ZNF536: variants seen among roughly 807,000 people sequenced by gnomAD.
The protein encoded by ZNF536 is zinc finger protein 536.
Under a neutral mutation model 84.5 loss-of-function variants are expected in ZNF536, and 13 were observed. The ratio of observed to expected loss-of-function variants is 0.15; its 90% CI spans 0.10 to 0.24. The LOEUF is 0.24. Ranked by LOEUF, ZNF536 falls within the 10% of genes least tolerant of loss-of-function variation. ZNF536 has a pLI of 1.00. For missense variants in ZNF536, 1,536 were observed against 1,747.5 expected (o/e 0.88, Z 2.16); for synonymous variants, 811 against 742.5 (o/e 1.09, Z -1.50).
intron 1 of ZNF536, among the ~76,000 whole-genome samples, chr19:30,601,880 C>T (rs558932900): frequency 1.3e-5 from 2 of 152,286 alleles, no homozygotes; most frequent in East Asian, 1.9e-4. Context: ...GACCCTGAGA[C>T]ACTCAGAAAC....
At chr19:30,588,423 A>C (rs1401805307) in intron 1 of ZNF536, among the ~76,000 whole-genome samples, 2 of 152,094 alleles carry the variant, frequency 1.3e-5, no homozygotes, top group Non-Finnish European at 2.9e-5. Flanking sequence ...TGAGGAGGAG[A>C]TTGGCAGACT....
At chr19:30,383,188 G>A (rs1022863590) in intron 1 of ZNF536, among the ~76,000 whole-genome samples, 1 of 152,186 alleles carries the variant, frequency 6.6e-6, no homozygotes, top group Non-Finnish European at 1.5e-5. Context: ...TACTCGGGAG[G>A]CTGAGGCAGG....
chr19:30,560,725 T>C (rs1260406853), downstream of ZNF536, among the ~76,000 whole-genome samples: 1 of 152,218 alleles, frequency 6.6e-6, no homozygotes, highest in Non-Finnish European at 1.5e-5. Flanking sequence ...CGGAAGTGTG[T>C]TTGCTTTGAT....
Position 30,685,317 on chromosome 19 carries a change from C to T in ZNF536, c.170-25440C>T, listed in dbSNP as rs143329507. 1.8e-3 allele frequency among the ~76,000 whole-genome samples: 273 copies of T among 152,294 alleles called. 1 individual carries two copies. Among genetic ancestry groups the T allele is most frequent in the African/African-American group, 6.3e-3 (262 of 41,560 alleles). On this transcript the variant is annotated intron_variant, in intron 1 of 1. Transcript: ENST00000592773. ...TTAGAACAAGTCCTCGAGGTAGCCC[C>T]ATCTGAGCTGATGGAGAGACTCTTT...
In ZNF536 at chr19:30,548,504, A is replaced by G. The variant is rs2045643595; in HGVS notation, c.2885A>G (p.Lys962Arg). The stretch of plus-strand genomic sequence containing the variant: ...GGTGGTGAGGAGAAACCCAGTGGCA[A>G]GTCCTCCCAGAGGAAGTCCGAGAAA... ...VDGGEEKPSG[K>R]SSQRKSEKSQ... The change falls in exon 4 of 5, where the codon AAG (lysine) becomes AGG (arginine). Residue 962 changes from lysine (K) to arginine (R), a missense_variant. Around this residue, in one of 8 missense-constraint regions of ZNF536, gnomAD observed 624 missense variants for 603.1 expected, o/e 1.03. Coordinates refer to ENST00000355537, the MANE Select transcript of ZNF536 (RefSeq NM_014717.3). 1 of 1,614,144 alleles carries G rather than the reference A, an allele frequency of 6.2e-7. No homozygotes were observed. The highest frequency in any genetic ancestry group is 1.3e-5 in the African/African-American group (1 of 75,058).
chr19:30,403,401 A>G (rs888776385), intron 1 of ZNF536, among the ~76,000 whole-genome samples: 3 of 152,242 alleles, frequency 2.0e-5, no homozygotes, highest in African/African-American at 4.8e-5. Context: ...CAAAGGTCAA[A>G]GGCTGCGCAA....
At chr19:30,556,959 C>T (rs935340777) in intron 4 of ZNF536, 198 bp from the exon 5 acceptor site, 11 of 573,258 alleles carry the variant, frequency 1.9e-5, no homozygotes, top group South Asian at 4.4e-5. Context: ...AGCACCTCTA[C>T]GTCTAATTGC....
At chr19:30,279,412 C>T (rs533224740) in intron 1 of ZNF536, among the ~76,000 whole-genome samples, 15 of 152,242 alleles carry the variant, frequency 9.9e-5, no homozygotes, top group Admixed American at 2.6e-4. Flanking sequence ...GAGCTTTCCA[C>T]ACCAGGACCC....
chr19:30,581,446 C>T (rs915551438), intron 1 of ZNF536, among the ~76,000 whole-genome samples: 4 of 152,036 alleles, frequency 2.6e-5, no homozygotes, highest in Admixed American at 1.3e-4. Context: ...CACTGCATTC[C>T]AGCCTAGGCA....
rs1311747323 is a variant in ZNF536, at chr19:30,340,515, A to G, written c.-119-11853A>G. The stretch of plus-strand genomic sequence containing the variant: ...ACTTGACTTTTTATATATATCTCAG[A>G]GGCAAACATTCCTAGTGAAGGGTTG... On this transcript the variant is annotated intron_variant, in intron 2 of 5. Coordinates refer to the ZNF536 transcript ENST00000585628. Among the ~76,000 whole-genome samples the G allele has an allele frequency of 3.3e-5, 5 of 152,286 alleles. No homozygotes were observed. In the South Asian group the frequency reaches 6.2e-4, roughly 19 times the overall value.
At chr19:30,597,182 C>T (rs954821195) in intron 1 of ZNF536, among the ~76,000 whole-genome samples, 17 of 152,210 alleles carry the variant, frequency 1.1e-4, no homozygotes, top group African/African-American at 3.1e-4. Context: ...TCAGGTTCCC[C>T]CAACTTCTGT....
At chr19:30,569,954 GT>G (rs1403710017) in intron 1 of ZNF536, among the ~76,000 whole-genome samples, 1 of 152,172 alleles carries the variant, frequency 6.6e-6, no homozygotes, top group Non-Finnish European at 1.5e-5. Flanking sequence ...TAGGGGCAAT[GT>G]TCTCCCCTGG....
rs759934475 is a variant in ZNF536 at position 30,548,708 on chromosome 19, G to C, written c.3089G>C (p.Arg1030Pro). 6.2e-7 allele frequency: 1 copy of C among 1,613,824 alleles called. No homozygotes were observed. Among genetic ancestry groups the C allele is most frequent in the Non-Finnish European group, 8.5e-7 (1 of 1,180,030 alleles). ...GCCAACCACCTGGGCAAAGCGAAAC[G>C]CAAAGATAACACCATCGGGGTCACA... ...LQANHLGKAKRKDNTIGVTVN... is the reference protein window; with the variant it reads ...LQANHLGKAKPKDNTIGVTVN... Residue 1030 changes from arginine to proline, a missense_variant, in exon 4 of 5, where the codon CGC (arginine) becomes CCC (proline). Arg to Pro is a moderately radical substitution (Grantham distance 103). Transcript: ENST00000355537.
chr19:30,435,275 A>T (rs1398769694), intron 1 of ZNF536, among the ~76,000 whole-genome samples: 1 of 146,152 alleles, frequency 6.8e-6, no homozygotes, highest in Non-Finnish European at 1.5e-5. Context: ...GGTGATGATG[A>T]CGGTGATGAT....
At chr19:30,562,122 C>A (rs1458132293), downstream of ZNF536, among the ~76,000 whole-genome samples, 1 of 152,142 alleles carries the variant, frequency 6.6e-6, no homozygotes, top group South Asian at 2.1e-4. Context: ...CTTTGGGCAC[C>A]ATTTTCCTCT....
At position 30,521,641 on chromosome 19, in the gene ZNF536, C is replaced by T. The variant is rs1005772361; in HGVS notation, c.2171-13206C>T. 3.3e-5 allele frequency among the ~76,000 whole-genome samples: 5 copies of T among 152,084 alleles called. No individual in the cohort carries two copies. In the South Asian group the frequency reaches 8.3e-4, roughly 25 times the overall value. ...TTTGGGGTGAATATTGGCTGGACAC[C>T]GGCCACGTGCAAAGTATGGAGGAGG... is the stretch of plus-strand genomic sequence containing the variant. On this transcript the variant is annotated intron_variant, in intron 2 of 4. Transcript: ENST00000355537.
chr19:30,648,658 G>C (rs1483932064), intron 1 of ZNF536, among the ~76,000 whole-genome samples: 1 of 152,150 alleles, frequency 6.6e-6, no homozygotes, highest in Non-Finnish European at 1.5e-5. Context: ...GCTGTTCCCC[G>C]TCCCTCATCC....
At chr19:30,496,328 G>A (rs1441354351) in intron 2 of ZNF536, among the ~76,000 whole-genome samples, 2 of 152,166 alleles carry the variant, frequency 1.3e-5, no homozygotes, top group Admixed American at 6.5e-5. Flanking sequence ...GCTCTTCCAG[G>A]AAGCTTTCCT....
intron 1 of ZNF536, among the ~76,000 whole-genome samples, chr19:30,250,847 G>GTT (rs10712065): frequency 4.2e-5 from 6 of 143,054 alleles, no homozygotes; most frequent in Admixed American, 6.9e-5. Context: ...TGCCTGTTGG[G>GTT]TTTTTTTTTT....
Sources: allele counts gnomAD v4.1 joint callset (sites outside exome capture counted in the v4.1 genomes callset), GRCh38; gene constraint gnomAD v4.1.1; regional missense constraint gnomAD v4.1.1; transcripts MANE v1.5; gene names NCBI Gene and HGNC (gene_info 2026-07-23, HGNC 2026-07-21).